PPP3R1: variants seen among roughly 807,000 people sequenced by gnomAD.
PPP3R1 encodes protein phosphatase 3 regulatory subunit B, alpha.
A neutral mutation model predicts 22.6 loss-of-function variants in PPP3R1; 5 were observed. That is an observed-to-expected ratio of 0.22 (90% CI 0.12 to 0.46). The LOEUF is 0.46. PPP3R1 is among the 20% of genes least tolerant of loss of function. PPP3R1 has a pLI of 0.99. For synonymous variants in PPP3R1, 56 were observed against 65.2 expected (o/e 0.86, Z 0.68); for missense variants, 61 against 203.2 (o/e 0.30, Z 4.25).
intron 2 of PPP3R1, among the ~76,000 whole-genome samples, chr2:68,213,128 A>T (rs973559976): frequency 6.6e-6 from 1 of 152,184 alleles, no homozygotes. Flanking sequence ...TTTTCTTATC[A>T]TTCGTTTGTT....
At chr2:68,210,477 T>G (rs920885768) in intron 2 of PPP3R1, among the ~76,000 whole-genome samples, 5 of 152,208 alleles carry the variant, frequency 3.3e-5, no homozygotes, top group African/African-American at 1.2e-4. Flanking sequence ...AACCATAAAA[T>G]AAGTTAATGT....
chr2:68,204,230 G>A (rs1366989818), intron 2 of PPP3R1, among the ~76,000 whole-genome samples: 1 of 151,980 alleles, frequency 6.6e-6, no homozygotes, highest in Non-Finnish European at 1.5e-5. Context: ...TCCTAGTCCA[G>A]AGAGGTTAGC....
At chr2:68,184,687 C>G (rs1397935882) in intron 5 of PPP3R1, among the ~76,000 whole-genome samples, 1 of 152,202 alleles carries the variant, frequency 6.6e-6, no homozygotes, top group East Asian at 1.9e-4. Context: ...AAGCCAGTTA[C>G]AAGCGCTTGA....
In PPP3R1 at chr2:68,213,381, G is replaced by A. The variant is rs75377709; in HGVS notation, c.43+3711C>T. Among the ~76,000 whole-genome samples, 718 of 152,302 alleles carry A rather than the reference G, an allele frequency of 4.7e-3. 1 individual carries two copies. Among genetic ancestry groups the A allele is most frequent in the African/African-American group, 0.015 (631 of 41,556 alleles). On this transcript the variant is annotated intron_variant, in intron 2 of 5. Coordinates refer to ENST00000234310, the MANE Select transcript of PPP3R1 (RefSeq NM_000945.4). ...GCCTAATTTCAATACTGTTGTCTTA[G>A]GGAATAGGGAGGTCTGAGGAAAAGG...
At chr2:68,196,612 T>A (rs1014628560) in intron 2 of PPP3R1, among the ~76,000 whole-genome samples, 2 of 152,200 alleles carry the variant, frequency 1.3e-5, no homozygotes, top group Non-Finnish European at 2.9e-5. Context: ...CAAAAAGTAA[T>A]GAGTCTTTTT....
intron 1 of PPP3R1, among the ~76,000 whole-genome samples, chr2:68,230,158 A>G (rs755493761): frequency 1.1e-4 from 16 of 151,858 alleles, no homozygotes; most frequent in Non-Finnish European, 2.1e-4. Flanking sequence ...GTGCCCAGCT[A>G]ATTTTTTGTA....
At chr2:68,223,609 C>A (rs1178459320) in intron 1 of PPP3R1, among the ~76,000 whole-genome samples, 1 of 151,886 alleles carries the variant, frequency 6.6e-6, no homozygotes, top group African/African-American at 2.4e-5. Flanking sequence ...CATGGCCAAC[C>A]AAACAGACGC....
intron 1 of PPP3R1, among the ~76,000 whole-genome samples, chr2:68,219,773 C>A (rs1468445826): frequency 1.3e-5 from 2 of 152,074 alleles, no homozygotes; most frequent in Non-Finnish European, 2.9e-5. Context: ...CTAAACAAAA[C>A]CATAAAATTA....
At chr2:68,186,683 T>A in intron 4 of PPP3R1, 31 bp from the exon 5 acceptor site, 2 of 1,535,296 alleles carry the variant, frequency 1.3e-6, no homozygotes, top group Non-Finnish European at 1.8e-6. Flanking sequence ...TCAATTCCAA[T>A]TACAAAGCAA....
intron 5 of PPP3R1, among the ~76,000 whole-genome samples, chr2:68,183,674 G>A (rs941649659): frequency 2.0e-5 from 3 of 152,112 alleles, no homozygotes; most frequent in African/African-American, 7.2e-5. Context: ...TATCCCCAAG[G>A]ATAATGACAG....
intron 1 of PPP3R1, among the ~76,000 whole-genome samples, chr2:68,236,331 A>G (rs1441090235): frequency 6.6e-6 from 1 of 152,224 alleles, no homozygotes; most frequent in African/African-American, 2.4e-5. Flanking sequence ...CTACAATGGC[A>G]GAGTTGAAAT....
intron 2 of PPP3R1, among the ~76,000 whole-genome samples, chr2:68,210,632 AT>A (rs970340495): frequency 2.6e-5 from 4 of 152,206 alleles, no homozygotes; most frequent in Admixed American, 2.6e-4. Flanking sequence ...AGACAAAAAA[AT>A]CTAACTCTAG....
chr2:68,180,505 GA>G lies in PPP3R1; in HGVS notation c.*457del, dbSNP rs1346175551. 1 of 152,748 alleles carries G rather than the reference GA, an allele frequency of 6.5e-6. No homozygotes were observed. Among genetic ancestry groups the G allele is most frequent in the Non-Finnish European group, 1.5e-5 (1 of 68,148 alleles). 9.5% of individuals were successfully genotyped at this position (152,748 alleles called of 1,614,324 possible). On this transcript the variant is annotated 3_prime_UTR_variant, in exon 6 of 6. Coordinates refer to ENST00000234310, the MANE Select transcript of PPP3R1 (RefSeq NM_000945.4). ...CTTCTATCTATATATAAAACTGTGT[GA>G]AATAAAAGTAAGGATGTTTTATGTT...
At chr2:68,239,626 A>G (rs1178455266) in intron 1 of PPP3R1, among the ~76,000 whole-genome samples, 1 of 152,192 alleles carries the variant, frequency 6.6e-6, no homozygotes, top group East Asian at 1.9e-4. Context: ...GGCCTGAAAA[A>G]TACGAATGAA....
At chr2:68,233,307 G>C (rs896294982) in intron 1 of PPP3R1, among the ~76,000 whole-genome samples, 4 of 152,060 alleles carry the variant, frequency 2.6e-5, no homozygotes, top group African/African-American at 9.7e-5. Flanking sequence ...AAATATCTTT[G>C]AATTATCATT....
intron 1 of PPP3R1, among the ~76,000 whole-genome samples, chr2:68,226,013 A>T (rs540083519): frequency 7.9e-5 from 12 of 152,326 alleles, no homozygotes; most frequent in African/African-American, 2.9e-4. Flanking sequence ...ATAGGAAAAG[A>T]CTACTAATAC....
intron 1 of PPP3R1, among the ~76,000 whole-genome samples, chr2:68,223,983 T>C (rs1171353129): frequency 2.0e-5 from 3 of 152,180 alleles, no homozygotes; most frequent in Non-Finnish European, 4.4e-5. Context: ...AAGTTAAATA[T>C]ATTTCATATT....
At chr2:68,201,268 T>A (rs1042066752) in intron 2 of PPP3R1, among the ~76,000 whole-genome samples, 8 of 152,158 alleles carry the variant, frequency 5.3e-5, no homozygotes, top group African/African-American at 1.9e-4. Flanking sequence ...TTAAAAAAAA[T>A]TATATTTCCA....
At chr2:68,198,350 T>C (rs1307806553) in intron 2 of PPP3R1, among the ~76,000 whole-genome samples, 2 of 76,430 alleles carry the variant, frequency 2.6e-5, no homozygotes, top group Non-Finnish European at 5.0e-5. Context: ...TACATGTATA[T>C]GCATATATAT....
Sources: allele counts gnomAD v4.1 joint callset (sites outside exome capture counted in the v4.1 genomes callset), GRCh38; gene constraint gnomAD v4.1.1; transcripts MANE v1.5; gene names NCBI Gene and HGNC (gene_info 2026-07-23, HGNC 2026-07-21).